CHLSN: variants seen among roughly 807,000 people sequenced by gnomAD.
The protein encoded by CHLSN is cholesin.
At chr7:984,897 G>A in the CHLSN span, 11 of 1,529,766 alleles carry the variant, frequency 7.2e-6, no homozygotes, top group Admixed American at 3.9e-5. Flanking sequence ...CTTGCCTGGC[G>A]GGGCTGGCTG....
At chr7:1,080,273 A>G in the CHLSN span, among the ~76,000 whole-genome samples, 1 of 152,270 alleles carries the variant, frequency 6.6e-6, no homozygotes, top group Non-Finnish European at 1.5e-5. Context: ...GCAGCTTTAT[A>G]ATAGACACAA....
chr7:1,013,990 C>A, the CHLSN span, among the ~76,000 whole-genome samples: 2 of 152,238 alleles, frequency 1.3e-5, no homozygotes, highest in South Asian at 2.1e-4. Flanking sequence ...TAAACTGCGA[C>A]CCCGAGGACT....
the CHLSN span, chr7:1,057,953 C>T: frequency 1.8e-5 from 14 of 772,518 alleles, no homozygotes; most frequent in African/African-American, 3.4e-5. Context: ...ACACGCGGCA[C>T]GTGTGCGGCT....
At chr7:1,016,547 G>A in the CHLSN span, among the ~76,000 whole-genome samples, 32,240 of 102,882 alleles carry the variant, frequency 0.31, 6,062 homozygotes, top group African/African-American at 0.49. Flanking sequence ...AGCAGCGCAC[G>A]CCAGCGCACA....
the CHLSN span, among the ~76,000 whole-genome samples, chr7:1,089,838 C>T: frequency 1.3e-5 from 2 of 151,556 alleles, no homozygotes; most frequent in Non-Finnish European, 1.5e-5. Flanking sequence ...ATCCCAGCAC[C>T]GTGGGAGGCC....
At chr7:1,070,811 A>C in the CHLSN span, among the ~76,000 whole-genome samples, 1 of 107,458 alleles carries the variant, frequency 9.3e-6, no homozygotes, top group South Asian at 2.6e-4. Flanking sequence ...ACATGCACAC[A>C]CATCCACACG....
At chr7:1,039,242 G>T in the CHLSN span, among the ~76,000 whole-genome samples, 1 of 47,742 alleles carries the variant, frequency 2.1e-5, no homozygotes, top group Non-Finnish European at 3.7e-5. Context: ...AGGTGGGGGG[G>T]GTCAGCCCCC....
At chr7:1,136,529 AAC>A in the CHLSN span, among the ~76,000 whole-genome samples, 404 of 133,784 alleles carry the variant, frequency 3.0e-3, 23 homozygotes, top group African/African-American at 0.01. Flanking sequence ...AATATATATA[AAC>A]ATATATATGA....
chr7:1,099,586 C>T, the CHLSN span, among the ~76,000 whole-genome samples: 2 of 152,218 alleles, frequency 1.3e-5, no homozygotes, highest in Non-Finnish European at 2.9e-5. Context: ...TTTGGATGTA[C>T]TTTTAAATTA....
At chr7:1,023,624 AACACACACACACACACACACAC>A in the CHLSN span, among the ~76,000 whole-genome samples, 737 of 122,380 alleles carry the variant, frequency 6.0e-3, 7 homozygotes, top group African/African-American at 0.021. This position sits in a 1 kb window ranked among gnomAD's most constrained non-coding sequence, Gnocchi z 5.0. Flanking sequence ...CCTCCCAGGA[AACACACACACACACACACACAC>A]ACACACACAC....
At chr7:984,396 C>G in the CHLSN span, 1 of 1,545,060 alleles carries the variant, frequency 6.5e-7, no homozygotes, top group African/African-American at 1.4e-5. Flanking sequence ...CGGGTGACCC[C>G]CGCCATCCCT....
chr7:1,124,301 C>T, the CHLSN span, among the ~76,000 whole-genome samples: 4 of 151,772 alleles, frequency 2.6e-5, no homozygotes, highest in Admixed American at 6.6e-5. Context: ...CAGTGACCAG[C>T]GGCCTGTGTG....
chr7:1,092,364 G>C, the CHLSN span: 1 of 1,611,178 alleles, frequency 6.2e-7, no homozygotes, highest in Non-Finnish European at 8.5e-7. Context: ...CGGATGTCCG[G>C]GAGGTGCAGT....
chr7:1,136,041 T>A, the CHLSN span, among the ~76,000 whole-genome samples: 8 of 116,252 alleles, frequency 6.9e-5, no homozygotes, highest in East Asian at 2.0e-3. Context: ...TATGTATAAA[T>A]ATATAAGTAT....
chr7:1,000,489 T>C, the CHLSN span: 1 of 1,607,090 alleles, frequency 6.2e-7, no homozygotes, highest in Non-Finnish European at 8.5e-7. Context: ...GTCATACATG[T>C]GCAGCAGGAG....
chr7:1,090,186 A>G, the CHLSN span, among the ~76,000 whole-genome samples: 824 of 152,338 alleles, frequency 5.4e-3, 7 homozygotes, highest in African/African-American at 0.019. Flanking sequence ...GGGCACCAGC[A>G]CCATCTGGGC....
chr7:1,080,464 G>C, the CHLSN span, among the ~76,000 whole-genome samples: 10 of 152,214 alleles, frequency 6.6e-5, no homozygotes, highest in African/African-American at 1.7e-4. Context: ...TGCCACCCGC[G>C]TGACGGTCCG....
At chr7:1,117,828 C>G in the CHLSN span, among the ~76,000 whole-genome samples, 11 of 152,244 alleles carry the variant, frequency 7.2e-5, no homozygotes, top group African/African-American at 2.4e-4. Context: ...CCATCACCCA[C>G]ACGCCTTTTT....
the CHLSN span, among the ~76,000 whole-genome samples, chr7:1,030,687 A>C: frequency 6.7e-6 from 1 of 148,928 alleles, no homozygotes; most frequent in Non-Finnish European, 1.5e-5. Context: ...GGCAGGTGGG[A>C]CTCTCTCCCC....
Sources: allele counts gnomAD v4.1 joint callset (sites outside exome capture counted in the v4.1 genomes callset), GRCh38; gene constraint gnomAD v4.1.1; non-coding constraint Gnocchi (gnomAD v3.1); transcripts MANE v1.5; gene names NCBI Gene and HGNC (gene_info 2026-07-23, HGNC 2026-07-21).